Variants in DDX10 observed in about 807,000 individuals in gnomAD.
DDX10 encodes DEAD-box helicase 10.
In DDX10, 74 loss-of-function variants were observed where a neutral mutation model predicts 104.3. The observed-to-expected ratio is 0.71, with a 90% CI of 0.59 to 0.86. The LOEUF (loss-of-function observed/expected upper bound fraction) is 0.86, where lower values mean the gene tolerates loss of function less well. Ranked by LOEUF, DDX10 falls within the 40% of genes least tolerant of loss-of-function variation. The probability of loss-of-function intolerance (pLI) is 0.00; values close to 1 mark genes in which losing one functional copy is unlikely to be tolerated. For missense variants in DDX10, 952 were observed against 1,040.0 expected, an observed-to-expected ratio of 0.92 and a Z score of 1.16; for synonymous variants, 351 against 353.4, an observed-to-expected ratio of 0.99 and a Z score of 0.08.
chr11:108,820,100 T>C (rs1183780928), intron 13 of DDX10, among the ~76,000 whole-genome samples: 5 of 152,226 alleles, frequency 3.3e-5, no homozygotes, highest in Admixed American at 3.3e-4. Flanking sequence ...CCTTTTTAGC[T>C]GAATAATTAT....
At chr11:108,831,296 C>T (rs773391792) in intron 13 of DDX10, among the ~76,000 whole-genome samples, 6 of 151,698 alleles carry the variant, frequency 4.0e-5, no homozygotes, top group Non-Finnish European at 5.9e-5. Flanking sequence ...CCCAGCTATT[C>T]GTGAGGCTGA....
chr11:108,718,401 T>G (rs1177433960), intron 11 of DDX10, among the ~76,000 whole-genome samples: 2 of 152,190 alleles, frequency 1.3e-5, no homozygotes, highest in Non-Finnish European at 2.9e-5. Flanking sequence ...TTCTTAAAAA[T>G]GAATAGGCAT....
At chr11:108,895,577 A>G (rs891051233) in intron 16 of DDX10, among the ~76,000 whole-genome samples, 14 of 152,080 alleles carry the variant, frequency 9.2e-5, no homozygotes, top group East Asian at 3.8e-4. Flanking sequence ...TACCTTCTCT[A>G]TATCTTTACT....
intron 13 of DDX10, among the ~76,000 whole-genome samples, chr11:108,778,731 A>G (rs1488305638): frequency 6.6e-6 from 1 of 152,232 alleles, no homozygotes; most frequent in Non-Finnish European, 1.5e-5. Flanking sequence ...GCATAGCAAA[A>G]TAAACTACCA....
chr11:108,757,298 T>C (rs934996705), intron 13 of DDX10, among the ~76,000 whole-genome samples: 3 of 152,098 alleles, frequency 2.0e-5, no homozygotes, highest in African/African-American at 4.8e-5. Flanking sequence ...TACCAACTTT[T>C]GTGTATCTGT....
At chr11:108,862,960 A>G (rs1862960160) in intron 16 of DDX10, among the ~76,000 whole-genome samples, 1 of 152,248 alleles carries the variant, frequency 6.6e-6, no homozygotes. Context: ...TGACCATAGA[A>G]ATTCAGAAAC....
At chr11:108,855,514 C>T (rs1862854665) in intron 16 of DDX10, among the ~76,000 whole-genome samples, 1 of 152,178 alleles carries the variant, frequency 6.6e-6, no homozygotes, top group Non-Finnish European at 1.5e-5. Context: ...GGCTGGAGTG[C>T]AGTGACGCGA....
intron 16 of DDX10, among the ~76,000 whole-genome samples, chr11:108,877,089 T>A (rs1863163479): frequency 6.6e-6 from 1 of 152,194 alleles, no homozygotes; most frequent in South Asian, 2.1e-4. Flanking sequence ...TCAAAAATAT[T>A]CTGGAAAATT....
chr11:108,914,434 A>G (rs1863718801), intron 16 of DDX10, among the ~76,000 whole-genome samples: 2 of 152,180 alleles, frequency 1.3e-5, no homozygotes, highest in Admixed American at 1.3e-4. Flanking sequence ...TAAGTACCAC[A>G]TTGTACAGGC....
At chr11:108,895,327 T>G (rs1220071552) in intron 16 of DDX10, among the ~76,000 whole-genome samples, 1 of 151,910 alleles carries the variant, frequency 6.6e-6, no homozygotes, top group African/African-American at 2.4e-5. Flanking sequence ...TTGTGTTATA[T>G]CCAAGTCTCC....
At chr11:108,939,830 T>G (rs1864083583) in intron 17 of DDX10, among the ~76,000 whole-genome samples, 1 of 152,226 alleles carries the variant, frequency 6.6e-6, no homozygotes, top group Admixed American at 6.5e-5. Context: ...CAACAGATAT[T>G]AGAAGCAGTA....
chr11:108,710,552 G>T (rs1165313440), intron 10 of DDX10, among the ~76,000 whole-genome samples: 1 of 151,980 alleles, frequency 6.6e-6, no homozygotes, highest in Non-Finnish European at 1.5e-5. Context: ...TTCAGGGGCA[G>T]TAACATGCAT....
At position 108,814,638 on chromosome 11, in the gene DDX10, A is replaced by T. The variant is rs555191227; in HGVS notation, c.1966-23808A>T. On this transcript the variant is annotated intron_variant, in intron 13 of 17. Transcript: ENST00000322536. ...ATACAATCTTGAGCTTAAAATCTTG[A>T]ATCTTAGAGTAACAAAAAAAAACCT... 2.0e-5 allele frequency among the ~76,000 whole-genome samples: 3 copies of T among 152,318 alleles called. No individual in the cohort carries two copies. The East Asian group carries it at 5.8e-4, about 29-fold the overall frequency.
At chr11:108,880,867 T>C in intron 16 of DDX10, among the ~76,000 whole-genome samples, 1 of 152,226 alleles carries the variant, frequency 6.6e-6, no homozygotes. Flanking sequence ...TTCTGTGCTA[T>C]TTTGAAGTCT....
At chr11:108,685,986 A>T (rs959866344) in intron 6 of DDX10, among the ~76,000 whole-genome samples, 10 of 152,236 alleles carry the variant, frequency 6.6e-5, no homozygotes, top group Non-Finnish European at 1.5e-4. Flanking sequence ...TTTAGTCATC[A>T]ACTTGATATA....
At chr11:108,823,861 G>A (rs12577382) in intron 13 of DDX10, among the ~76,000 whole-genome samples, 20,953 of 152,180 alleles carry the variant, frequency 0.14, 1,574 homozygotes, top group East Asian at 0.25. Flanking sequence ...CATCTTGAAT[G>A]TTATTTTGAT....
intron 16 of DDX10, among the ~76,000 whole-genome samples, chr11:108,883,696 T>C (rs1036005427): frequency 4.5e-4 from 68 of 152,316 alleles, no homozygotes; most frequent in African/African-American, 1.6e-3. Flanking sequence ...TTACTCAGCA[T>C]GTTATACCTC....
Position 108,757,288 on chromosome 11 carries a change from T to TA in DDX10, c.1965+33827dup, listed in dbSNP as rs543108642. Among the ~76,000 whole-genome samples the TA allele has an allele frequency of 1.2e-4, 18 of 152,210 alleles. No homozygotes were observed. In the South Asian group the frequency reaches 3.5e-3, roughly 30 times the overall value. On this transcript the variant is annotated intron_variant, in intron 13 of 17. Transcript: ENST00000322536. ...AAAGTTTCCGACTTACAAAAACTGT[T>TA]ACCAACTTTTGTGTATCTGTCTGTG...
chr11:108,781,950 G>A (rs1011585391), intron 13 of DDX10, among the ~76,000 whole-genome samples: 1 of 152,158 alleles, frequency 6.6e-6, no homozygotes, highest in African/African-American at 2.4e-5. Context: ...GAGCACAGCC[G>A]TCAGAAGAGA....
Sources: allele counts gnomAD v4.1 joint callset (sites outside exome capture counted in the v4.1 genomes callset), GRCh38; gene constraint gnomAD v4.1.1; transcripts MANE v1.5; gene names NCBI Gene and HGNC (gene_info 2026-07-23, HGNC 2026-07-21).